The following SLC14A2 variants were observed in gnomAD, a reference collection of about 807,000 sequenced individuals.
SLC14A2 encodes the protein solute carrier family 14 member 2.
In SLC14A2, 91 loss-of-function variants were observed where a neutral mutation model predicts 104.6. The ratio of observed to expected loss-of-function variants is 0.87; its 90% CI spans 0.73 to 1.04. The LOEUF is 1.04. SLC14A2 is among the 50% of genes least tolerant of loss of function. The pLI, the probability that SLC14A2 is intolerant of heterozygous loss-of-function variation, is 0.00. For missense variants in SLC14A2, 1,189 were observed against 1,156.0 expected, an observed-to-expected ratio of 1.03 and a Z score of -0.41; for synonymous variants, 476 against 466.4, an observed-to-expected ratio of 1.02 and a Z score of -0.27.
chr18:45,643,956 T>G (rs2045576523), intron 9 of SLC14A2, 30 bp from the exon 10 acceptor site: 3 of 1,603,424 alleles, frequency 1.9e-6, no homozygotes, highest in Non-Finnish European at 2.6e-6. Flanking sequence ...ACTAGGAAAC[T>G]TCTTCAGTCC....
At chr18:45,468,040 C>T (rs2087176280) in intron 1 of SLC14A2, among the ~76,000 whole-genome samples, 1 of 152,134 alleles carries the variant, frequency 6.6e-6, no homozygotes, top group Admixed American at 6.5e-5. Flanking sequence ...CTACCAGCCA[C>T]CACCCCCACC....
In SLC14A2 at chr18:45,625,665, G is replaced by A. The variant is rs41300078; in HGVS notation, c.151-18G>A. 0.11 allele frequency: 160,837 copies of A among 1,518,324 alleles called. 9,586 individuals carry two copies. Among genetic ancestry groups the A allele is most frequent in the Non-Finnish European group, 0.12 (138,616 of 1,136,338 alleles). 94.1% of individuals were successfully genotyped at this position (1,518,324 alleles called of 1,614,324 possible). ...AGAAAGCTGTATCATTTGATGTCTG[G>A]TTGGTTTCTCCTAAAAGGATCTCCG... On this transcript the variant is annotated intron_variant, in intron 2 of 19. Transcript: ENST00000255226.
chr18:45,436,847 C>CA (rs1215328217), intron 1 of SLC14A2: 4 of 151,598 alleles, frequency 2.6e-5, no homozygotes, highest in African/African-American at 9.7e-5. Context: ...AGGTTAAAAC[C>CA]AAAAAACAAT....
intron 1 of SLC14A2, among the ~76,000 whole-genome samples, chr18:45,424,685 T>C (rs973297268): frequency 6.6e-6 from 1 of 152,204 alleles, no homozygotes; most frequent in Non-Finnish European, 1.5e-5. Context: ...TATTATAACG[T>C]GTTTACAAAT....
chr18:45,256,036 G>T (rs2084474466), intron 1 of SLC14A2, among the ~76,000 whole-genome samples: 1 of 152,110 alleles, frequency 6.6e-6, no homozygotes, highest in Non-Finnish European at 1.5e-5. Flanking sequence ...ACCTGCCTTT[G>T]TCTCGCCCAC....
chr18:45,383,643 C>T (rs2085862481), intron 1 of SLC14A2, among the ~76,000 whole-genome samples: 1 of 152,272 alleles, frequency 6.6e-6, no homozygotes, highest in South Asian at 2.1e-4. Context: ...TGGGGTTCCC[C>T]TCACAGGCCT....
intron 2 of SLC14A2, among the ~76,000 whole-genome samples, chr18:45,502,272 T>C (rs1203997739): frequency 6.6e-6 from 1 of 152,248 alleles, no homozygotes; most frequent in Non-Finnish European, 1.5e-5. Context: ...TTTGAGAAAC[T>C]CTCGATAGTC....
chr18:45,574,522 C>T (rs765944178), intron 2 of SLC14A2, among the ~76,000 whole-genome samples: 78 of 152,248 alleles, frequency 5.1e-4, no homozygotes, highest in Non-Finnish European at 8.8e-4. Flanking sequence ...AAAGACTCAG[C>T]TCTCTGCAGG....
At chr18:45,341,595 C>CTTTTTTTTT (rs376534367) in intron 1 of SLC14A2, among the ~76,000 whole-genome samples, 2 of 83,162 alleles carry the variant, frequency 2.4e-5, no homozygotes, top group Admixed American at 1.3e-4. Flanking sequence ...TCTAGTATTA[C>CTTTTTTTTT]TTTTTTTTTT....
At chr18:45,391,150 A>G (rs112585064) in intron 1 of SLC14A2, among the ~76,000 whole-genome samples, 2,761 of 152,076 alleles carry the variant, frequency 0.018, 78 homozygotes, top group African/African-American at 0.061. Context: ...TCATTGTTCA[A>G]TTCCCACCTA....
intron 1 of SLC14A2, among the ~76,000 whole-genome samples, chr18:45,340,091 A>G (rs1336561084): frequency 2.6e-5 from 4 of 151,878 alleles, no homozygotes; most frequent in Non-Finnish European, 4.4e-5. Context: ...TGAAAAGGAA[A>G]CTCCCTTTCA....
chr18:45,449,545 C>T (rs747420230), intron 1 of SLC14A2, among the ~76,000 whole-genome samples: 20 of 152,162 alleles, frequency 1.3e-4, no homozygotes, highest in Admixed American at 5.2e-4. Flanking sequence ...CCAGTCAGGC[C>T]TCAGCAAGTG....
chr18:45,240,116 T>G (rs944611298), intron 1 of SLC14A2, among the ~76,000 whole-genome samples: 6 of 123,810 alleles, frequency 4.8e-5, no homozygotes, highest in Non-Finnish European at 8.5e-5. Context: ...TTTTTTTTTT[T>G]GACCGAGTCT....
At chr18:45,281,154 A>G (rs1225653366) in intron 1 of SLC14A2, among the ~76,000 whole-genome samples, 1 of 152,150 alleles carries the variant, frequency 6.6e-6, no homozygotes, top group African/African-American at 2.4e-5. Context: ...TTCCAGGTTT[A>G]TTTTGCCTAT....
intron 3 of SLC14A2, 151 bp from the exon 4 acceptor site, chr18:45,626,807 C>G: frequency 3.0e-6 from 1 of 337,456 alleles, no homozygotes. Flanking sequence ...CTCCCCTCTA[C>G]CCCCACCCCT....
At chr18:45,606,474 C>T (rs1222460793) in intron 2 of SLC14A2, among the ~76,000 whole-genome samples, 1 of 152,122 alleles carries the variant, frequency 6.6e-6, no homozygotes, top group Non-Finnish European at 1.5e-5. Context: ...GAGCCACTAC[C>T]TCCAAGGCCA....
intron 5 of SLC14A2, 77 bp downstream of exon 5, chr18:45,632,555 G>C: frequency 6.6e-7 from 1 of 1,515,068 alleles, no homozygotes; most frequent in Non-Finnish European, 8.9e-7. Context: ...GCCAGAGACA[G>C]GACATACACA....
intron 1 of SLC14A2, among the ~76,000 whole-genome samples, chr18:45,244,640 T>TG (rs1309333305): frequency 9.6e-5 from 13 of 135,106 alleles, no homozygotes; most frequent in Admixed American, 5.1e-4. Flanking sequence ...GAAAAAGGAG[T>TG]GGGGGGGTGG....
chr18:45,440,789 T>C (rs1447753038), intron 1 of SLC14A2, among the ~76,000 whole-genome samples: 2 of 152,126 alleles, frequency 1.3e-5, no homozygotes, highest in Admixed American at 6.5e-5. Context: ...AGAGACATTA[T>C]GCAATAAAGG....
Sources: allele counts gnomAD v4.1 joint callset (sites outside exome capture counted in the v4.1 genomes callset), GRCh38; gene constraint gnomAD v4.1.1; transcripts MANE v1.5; gene names NCBI Gene and HGNC (gene_info 2026-07-23, HGNC 2026-07-21).